Variants in AADACL2 observed in about 807,000 individuals in gnomAD.
The protein encoded by AADACL2 is arylacetamide deacetylase-like 2.
Under a neutral mutation model 22.3 loss-of-function variants are expected in AADACL2, and 23 were observed. The observed-to-expected ratio is 1.03, with a 90% CI of 0.74 to 1.46. The LOEUF (loss-of-function observed/expected upper bound fraction) is 1.46, where lower values mean the gene tolerates loss of function less well. Among genes scored for constraint, AADACL2 ranks in the 40% most tolerant of loss-of-function variants. The pLI is 0.00. For missense variants in AADACL2, 472 were observed against 482.9 expected (o/e 0.98, Z 0.21); for synonymous variants, 177 against 166.2 (o/e 1.07, Z -0.50).
In AADACL2 at chr3:151,758,011, A is replaced by AC. The variant is rs1345915140; in HGVS notation, c.*420dup. 6.4e-6 allele frequency: 1 copy of AC among 156,784 alleles called. No homozygotes were observed. The highest frequency in any genetic ancestry group is 1.4e-5 in the Non-Finnish European group (1 of 71,190). The allele number at this position is 156,784 out of a possible 1,614,324, so 9.7% of individuals were successfully genotyped here. A position where few individuals can be genotyped will look rare whatever the true frequency, so the allele number is the denominator to read the frequency against. The stretch of plus-strand genomic sequence containing the variant: ...CCACTGGACTAAATAAACCCTAAGG[A>AC]CCCTATATTAGTTTCCTGTGACTAT... On this transcript the variant is annotated 3_prime_UTR_variant, in exon 5 of 5. Transcript: ENST00000356517.
chr3:151,745,827 C>A, intron 4 of AADACL2, 147 bp downstream of exon 4: 1 of 850,784 alleles, frequency 1.2e-6, no homozygotes, highest in Non-Finnish European at 1.7e-6. Flanking sequence ...ATTTATTTAA[C>A]CTTAATGTGA....
rs1714112962 is a variant in AADACL2, at chr3:151,760,673, T to A, written c.*3079T>A. On this transcript the variant is annotated 3_prime_UTR_variant, in exon 5 of 5. Coordinates refer to ENST00000356517, the MANE Select transcript of AADACL2 (RefSeq NM_207365.4). The stretch of plus-strand genomic sequence containing the variant: ...AAAGGAAATTTCTAGGTTTTTCTGC[T>A]GAAATATCCATTCCAGCATTGTGTT... 6.6e-6 allele frequency: 1 copy of A among 152,270 alleles called. No individual in the cohort carries two copies. Among genetic ancestry groups the A allele is most frequent in the South Asian group, 2.1e-4 (1 of 4,832 alleles). 9.4% of individuals were successfully genotyped at this position (152,270 alleles called of 1,614,324 possible). A position where few individuals can be genotyped will look rare whatever the true frequency, so the allele number is the denominator to read the frequency against.
intron 1 of AADACL2, among the ~76,000 whole-genome samples, chr3:151,736,631 A>G (rs1381072172): frequency 1.3e-5 from 2 of 152,106 alleles, no homozygotes; most frequent in African/African-American, 4.8e-5. Context: ...AGCTCCATCT[A>G]TGTACCTGCA....
chr3:151,743,995 T>C lies in AADACL2; in HGVS notation c.362-98T>C. The C allele has an allele frequency of 2.4e-6, 3 of 1,263,988 alleles. No individual in the cohort carries two copies. In the South Asian group the frequency reaches 3.9e-5, roughly 17 times the overall value. 78.3% of individuals were successfully genotyped at this position (1,263,988 alleles called of 1,614,324 possible). A position where few individuals can be genotyped will look rare whatever the true frequency, so the allele number is the denominator to read the frequency against. ...GGGGGTGGAAATAAAAGCTATGTGA[T>C]ATTCACAAACCACAGTTATTTCCAC... On this transcript the variant is annotated intron_variant, in intron 2 of 4. Transcript: ENST00000356517.
At chr3:151,745,727 T>C (rs754848554) in intron 4 of AADACL2, 47 bp downstream of exon 4, 3 of 1,519,350 alleles carry the variant, frequency 2.0e-6, no homozygotes, top group Non-Finnish European at 1.8e-6. Flanking sequence ...TTGAGGCTCA[T>C]TTTTTTTCTA....
Position 151,757,658 on chromosome 3 carries a change from G to T in AADACL2, c.*64G>T. On this transcript the variant is annotated 3_prime_UTR_variant, in exon 5 of 5. Coordinates refer to ENST00000356517, the MANE Select transcript of AADACL2 (RefSeq NM_207365.4). ...GTAATTTGTGATATTTTGTGGTTTT[G>T]GAGCAAAGAACAATGTCATTTGAGT... 6.7e-7 allele frequency: 1 copy of T among 1,502,698 alleles called. No individual in the cohort carries two copies. Among genetic ancestry groups the T allele is most frequent in the Non-Finnish European group, 8.9e-7 (1 of 1,121,162 alleles). 93.1% of individuals were successfully genotyped at this position (1,502,698 alleles called of 1,614,324 possible).
rs1713007327 is a variant in AADACL2 at position 151,734,010 on chromosome 3, G to A, written c.-26G>A. 1.3e-6 allele frequency: 2 copies of A among 1,582,664 alleles called. No individual in the cohort carries two copies. Among genetic ancestry groups the A allele is most frequent in the East Asian group, 4.6e-5 (2 of 43,394 alleles). Reference sequence around the variant, plus strand: ...TGTGAAAAATTTTAATCTCAGTACTGTGAAGAAGCTGGAAAAAGGGATATT... The same window carrying A: ...TGTGAAAAATTTTAATCTCAGTACTATGAAGAAGCTGGAAAAAGGGATATT... On this transcript the variant is annotated 5_prime_UTR_variant, in exon 1 of 5. It adds an upstream start codon to the 5' untranslated region. Coordinates refer to ENST00000356517, the MANE Select transcript of AADACL2 (RefSeq NM_207365.4).
In AADACL2 at chr3:151,744,102, C is replaced by G. The variant is rs142059450; in HGVS notation, c.371C>G (p.Ala124Gly). 5 of 1,613,522 alleles carry G rather than the reference C, an allele frequency of 3.1e-6. No individual in the cohort carries two copies. Among genetic ancestry groups the G allele is most frequent in the Non-Finnish European group, 4.2e-6 (5 of 1,179,662 alleles). The change falls in exon 3 of 5, where the codon GCT becomes GGT. Residue 124 changes from alanine (A) to glycine (G), a missense_variant. Transcript: ENST00000356517. ...TATTTCTTCATTTCAGAACAGAGGG[C>G]TTTTGACTTCCTGAATAGATGGACG... ...GFCFGSSKQR[A>G]FDFLNRWTAN...
chr3:151,734,045 A>G lies in AADACL2; in HGVS notation c.10A>G (p.Lys4Glu), dbSNP rs1713009118. Residue 4 changes from lysine (K) to glutamate (E), a missense_variant, in exon 1 of 5, where the codon AAA becomes GAA. Lys to Glu is a moderately conservative substitution (Grantham distance 56). Around this residue, in one of 3 missense-constraint regions of AADACL2, gnomAD observed 356 missense variants for 365.5 expected, o/e 0.97. Coordinates refer to ENST00000356517, the MANE Select transcript of AADACL2 (RefSeq NM_207365.4). Reference protein sequence around the residue: MGLKALCLGLLCVL... With the variant: MGLEALCLGLLCVL... ...TGGAAAAAGGGATATTATGGGGCTA[A>G]AAGCTCTCTGTTTGGGGCTGCTTTG... 6.2e-7 allele frequency: 1 copy of G among 1,610,968 alleles called. No homozygotes were observed. Among genetic ancestry groups the G allele is most frequent in the East Asian group, 2.2e-5 (1 of 44,710 alleles).
intron 2 of AADACL2, 106 bp from the exon 3 acceptor site, chr3:151,743,987 C>T: frequency 8.7e-7 from 1 of 1,154,622 alleles, no homozygotes; most frequent in East Asian, 2.5e-5. Context: ...GAAATAAAAG[C>T]TATGTGATAT....
chr3:151,740,941 T>C, intron 2 of AADACL2, 73 bp downstream of exon 2: 3 of 1,175,248 alleles, frequency 2.6e-6, no homozygotes, highest in East Asian at 2.5e-5. Context: ...TATATAAATA[T>C]ACACACTTAT....
intron 1 of AADACL2, among the ~76,000 whole-genome samples, chr3:151,737,563 T>G (rs1713132934): frequency 1.3e-5 from 2 of 152,124 alleles, no homozygotes; most frequent in South Asian, 4.1e-4. Flanking sequence ...ACAGTGGGTG[T>G]TAAGGTCTCC....
At chr3:151,751,988 TCA>T (rs1219472816) in intron 4 of AADACL2, among the ~76,000 whole-genome samples, 1 of 152,212 alleles carries the variant, frequency 6.6e-6, no homozygotes, top group African/African-American at 2.4e-5. Context: ...GCAGAAGAAC[TCA>T]GTGTACTTAA....
chr3:151,745,604 A>G lies in AADACL2; in HGVS notation c.527A>G (p.Tyr176Cys), dbSNP rs1396260092. The G allele has an allele frequency of 5.6e-6, 9 of 1,613,838 alleles. No homozygotes were observed. Among genetic ancestry groups the G allele is most frequent in the Non-Finnish European group, 6.8e-6 (8 of 1,179,890 alleles). Residue 176 changes from tyrosine (Y) to cysteine (C), a missense_variant, in exon 4 of 5, where the codon TAT becomes TGT. Coordinates refer to ENST00000356517, the MANE Select transcript of AADACL2 (RefSeq NM_207365.4). ...FFLLEKILTK[Y>C]GVDPTRICIA... ...CTTTTGGAAAAAATTCTTACAAAATATGGAGTGGATCCCACCCGAATCTGC... is the reference window on the plus strand; with the variant it reads ...CTTTTGGAAAAAATTCTTACAAAATGTGGAGTGGATCCCACCCGAATCTGC...
At chr3:151,742,197 T>C (rs1170606298) in intron 2 of AADACL2, among the ~76,000 whole-genome samples, 2 of 152,296 alleles carry the variant, frequency 1.3e-5, no homozygotes, top group Non-Finnish European at 2.9e-5. Context: ...CCAAGAAATA[T>C]AGGAAAATGT....
Position 151,740,549 on chromosome 3 carries a change from C to T in AADACL2, c.139-97C>T, listed in dbSNP as rs1713244053. Reference sequence around the variant, plus strand: ...AAATAGTCTATTTCTTTTTGTTTACCTTGCTTATTTTTTCTTCCTTTTTAA... The same window carrying T: ...AAATAGTCTATTTCTTTTTGTTTACTTTGCTTATTTTTTCTTCCTTTTTAA... On this transcript the variant is annotated intron_variant, in intron 1 of 4. Coordinates refer to ENST00000356517, the MANE Select transcript of AADACL2 (RefSeq NM_207365.4). 1.4e-5 allele frequency: 11 copies of T among 772,166 alleles called. No individual in the cohort carries two copies. In the South Asian group the frequency reaches 1.8e-4, roughly 12 times the overall value. The allele number at this position is 772,166 out of a possible 1,614,324, so 47.8% of individuals were successfully genotyped here.
chr3:151,737,483 T>C (rs73164672), intron 1 of AADACL2, among the ~76,000 whole-genome samples: 97 of 152,270 alleles, frequency 6.4e-4, no homozygotes, highest in Non-Finnish European at 1.2e-3. Flanking sequence ...TAGGTCCCCT[T>C]GGTCCAGAGC....
chr3:151,744,215 G>A lies in AADACL2; in HGVS notation c.431+53G>A, dbSNP rs191461544. 208 of 1,551,734 alleles carry A rather than the reference G, an allele frequency of 1.3e-4. 1 individual carries two copies. The Admixed American group carries it at 1.7e-3, about 13-fold the overall frequency. On this transcript the variant is annotated intron_variant, in intron 3 of 4. Transcript: ENST00000356517. ...TGATTTTTGCCTTTACCATGTAGAG[G>A]TTTGATTTCCACATCAAGTCAGCTA...
At chr3:151,756,295 C>T (rs1300573231) in intron 4 of AADACL2, among the ~76,000 whole-genome samples, 1 of 152,044 alleles carries the variant, frequency 6.6e-6, no homozygotes, top group East Asian at 1.9e-4. Context: ...AAGTACTTCA[C>T]ATTTTATCCT....
Sources: gnomAD v4.1 joint callset for allele counts (sites outside exome capture counted in the v4.1 genomes callset) on GRCh38, gnomAD v4.1.1 for gene constraint, gnomAD v4.1.1 regional missense constraint, MANE v1.5 for transcripts, NCBI Gene and HGNC (gene_info 2026-07-23, HGNC 2026-07-21) for gene names.